NGLY1: variants seen among roughly 807,000 people sequenced by gnomAD.
NGLY1 encodes the protein N-glycanase 1, also known as peptide-N(4)-(N-acetyl-beta-glucosaminyl)asparagine amidase.
A neutral mutation model predicts 84.6 loss-of-function variants in NGLY1; 68 were observed. That is an observed-to-expected ratio of 0.80 (90% confidence interval 0.66 to 0.98). The LOEUF (loss-of-function observed/expected upper bound fraction) is 0.98, where lower values mean the gene tolerates loss of function less well. Ranked by LOEUF, NGLY1 falls within the 50% of genes least tolerant of loss-of-function variation. NGLY1 has a pLI of 0.00. For synonymous variants in NGLY1, 280 were observed against 275.2 expected (o/e 1.02, Z -0.17); for missense variants, 779 against 770.2 (o/e 1.01, Z -0.14).
At chr3:25,776,393 C>T (rs1708156727) in intron 2 of NGLY1, among the ~76,000 whole-genome samples, 1 of 152,208 alleles carries the variant, frequency 6.6e-6, no homozygotes, top group South Asian at 2.1e-4. Flanking sequence ...TTGTCATTTA[C>T]TCAATTTTCC....
Position 25,764,146 on chromosome 3 carries a change from G to A in NGLY1, c.412C>T (p.Pro138Ser), listed in dbSNP as rs924848675. The A allele has an allele frequency of 5.0e-6, 8 of 1,614,212 alleles. No individual in the cohort carries two copies. The highest frequency in any genetic ancestry group is 5.9e-6 in the Non-Finnish European group (7 of 1,180,040). Residue 138 changes from proline to serine, a missense_variant, in exon 3 of 12, where the codon CCA becomes TCA. Physicochemically the swap from Pro to Ser is moderately conservative, Grantham distance 74. Coordinates refer to ENST00000280700, the MANE Select transcript of NGLY1 (RefSeq NM_018297.4). Reference protein sequence around the residue: ...PAASTQLPTTPSSNPSGLNQH... With the variant: ...PAASTQLPTTSSSNPSGLNQH... ...TTTAACCCACTGGGATTTGAAGATG[G>A]TGTTGTAGGAAGCTGGGTACTGGCT... is the stretch of plus-strand genomic sequence containing the variant.
chr3:25,783,820 T>C (rs1410397947), upstream of NGLY1, among the ~76,000 whole-genome samples: 6 of 150,652 alleles, frequency 4.0e-5, no homozygotes, highest in African/African-American at 1.5e-4. This position sits in a 1 kb window ranked among gnomAD's most constrained non-coding sequence, Gnocchi z 4.5. Context: ...GCTCCGGGGC[T>C]GAGGGGTGTG....
At chr3:25,748,379 C>T (rs1178801880) in intron 4 of NGLY1, among the ~76,000 whole-genome samples, 2 of 151,940 alleles carry the variant, frequency 1.3e-5, no homozygotes, top group Non-Finnish European at 2.9e-5. Flanking sequence ...ATGGGGGAGA[C>T]GACAAGAACA....
chr3:25,765,789 T>A (rs931798113), intron 2 of NGLY1, among the ~76,000 whole-genome samples: 1 of 152,110 alleles, frequency 6.6e-6, no homozygotes, highest in Non-Finnish European at 1.5e-5. Flanking sequence ...CAGGCTGGAG[T>A]GCAGTGGAGT....
At chr3:25,785,543 A>C (rs1258363209), upstream of NGLY1, among the ~76,000 whole-genome samples, 2 of 151,600 alleles carry the variant, frequency 1.3e-5, no homozygotes, top group African/African-American at 4.8e-5. Context: ...TTTCAAATAA[A>C]ATTTTAGGGG....
rs184944050 is a variant in NGLY1 at position 25,766,821 on chromosome 3, A to G, written c.247-2510T>C. 3.9e-3 allele frequency among the ~76,000 whole-genome samples: 591 copies of G among 152,292 alleles called. 4 individuals are homozygous for G. Among genetic ancestry groups the G allele is most frequent in the African/African-American group, 0.014 (565 of 41,542 alleles). On this transcript the variant is annotated intron_variant, in intron 2 of 11. Transcript: ENST00000280700. ...TCCACAACTCAGACAGGGCCCCAGT[A>G]AGACAGATACGCTGCTCATGCCATG...
At chr3:25,775,723 A>T (rs1292838269) in intron 2 of NGLY1, among the ~76,000 whole-genome samples, 3 of 152,222 alleles carry the variant, frequency 2.0e-5, no homozygotes, top group African/African-American at 7.2e-5. Flanking sequence ...ATAGAAAGAG[A>T]TTGGTTAATG....
intron 10 of NGLY1, among the ~76,000 whole-genome samples, chr3:25,723,381 C>T (rs761363604): frequency 3.3e-5 from 5 of 152,082 alleles, no homozygotes; most frequent in Non-Finnish European, 7.4e-5. Context: ...TAAAAAAGGT[C>T]TCTTATGTTA....
chr3:25,753,501 C>T lies in NGLY1; in HGVS notation c.493-2238G>A, dbSNP rs533760326. 1.9e-3 allele frequency among the ~76,000 whole-genome samples: 289 copies of T among 152,040 alleles called. 1 individual carries two copies. Among genetic ancestry groups the T allele is most frequent in the Non-Finnish European group, 3.0e-3 (205 of 67,944 alleles). ...TAAATAAAAGCACCAGTACAAGTTT[C>T]GATTGGTATAGATAATCACAACTGG... is the stretch of plus-strand genomic sequence containing the variant. On this transcript the variant is annotated intron_variant, in intron 3 of 11. Transcript: ENST00000280700.
rs186694560 is a variant in NGLY1 at position 25,752,559 on chromosome 3, G to C, written c.493-1296C>G. On this transcript the variant is annotated intron_variant, in intron 3 of 11. Transcript: ENST00000280700. The stretch of plus-strand genomic sequence containing the variant: ...AAACATTAAAATAAAGAAGAAGCCA[G>C]GCACTTTGGGAGGCCAAGGTGGAAG... Among the ~76,000 whole-genome samples, 585 of 151,888 alleles carry C rather than the reference G, an allele frequency of 3.9e-3. 4 individuals are homozygous for C. Among genetic ancestry groups the C allele is most frequent in the African/African-American group, 0.013 (558 of 41,442 alleles).
At chr3:25,772,455 T>C (rs1054169696) in intron 2 of NGLY1, among the ~76,000 whole-genome samples, 3 of 152,188 alleles carry the variant, frequency 2.0e-5, no homozygotes, top group African/African-American at 7.2e-5. Context: ...CTAAGAATAG[T>C]TACTCCTGCT....
intron 9 of NGLY1, chr3:25,730,318 C>G (rs1705478005): frequency 6.6e-6 from 1 of 151,944 alleles, no homozygotes; most frequent in Non-Finnish European, 1.5e-5. Context: ...ACTTTTAAAA[C>G]AAACATCCAT....
intron 2 of NGLY1, among the ~76,000 whole-genome samples, chr3:25,766,493 T>G (rs1456262886): frequency 6.6e-6 from 1 of 152,202 alleles, no homozygotes; most frequent in African/African-American, 2.4e-5. Context: ...CATCTTTGAC[T>G]GAACAGAGAC....
chr3:25,747,568 A>G (rs1458164272), intron 4 of NGLY1, among the ~76,000 whole-genome samples: 1 of 152,202 alleles, frequency 6.6e-6, no homozygotes, highest in Admixed American at 6.5e-5. Context: ...AAAGGAAGAG[A>G]CACATATAGT....
chr3:25,759,254 T>C (rs1707188985), intron 3 of NGLY1, among the ~76,000 whole-genome samples: 1 of 151,166 alleles, frequency 6.6e-6, no homozygotes, highest in African/African-American at 2.4e-5. Flanking sequence ...GAGTTGGTGA[T>C]GACAAGTCTG....
At chr3:25,773,035 A>T (rs962191914) in intron 2 of NGLY1, among the ~76,000 whole-genome samples, 1 of 152,156 alleles carries the variant, frequency 6.6e-6, no homozygotes, top group African/African-American at 2.4e-5. Flanking sequence ...AGGTTATCTG[A>T]TGCTTTTGCC....
chr3:25,772,400 C>T (rs1450919140), intron 2 of NGLY1, among the ~76,000 whole-genome samples: 2 of 152,114 alleles, frequency 1.3e-5, no homozygotes, highest in Middle Eastern at 3.4e-3. Context: ...TTAAATAATG[C>T]CCCCCTTTGT....
chr3:25,755,362 T>C, intron 3 of NGLY1: 1 of 1,309,866 alleles, frequency 7.6e-7, no homozygotes, highest in Non-Finnish European at 1.1e-6. Context: ...TACGATTGAC[T>C]GTTGGTGCTG....
intron 2 of NGLY1, among the ~76,000 whole-genome samples, chr3:25,775,492 T>C (rs1185611711): frequency 1.3e-5 from 2 of 152,190 alleles, no homozygotes. Flanking sequence ...TGCATCATCA[T>C]GGATGGAAAT....
Sources: gnomAD v4.1 joint callset for allele counts (sites outside exome capture counted in the v4.1 genomes callset) on GRCh38, gnomAD v4.1.1 for gene constraint, Gnocchi (gnomAD v3.1) non-coding constraint, MANE v1.5 for transcripts, NCBI Gene and HGNC (gene_info 2026-07-23, HGNC 2026-07-21) for gene names.